TRAF3IP1: variants seen among roughly 807,000 people sequenced by gnomAD.
TRAF3IP1 encodes TRAF3-interacting protein 1.
TRAF3IP1 carries 53 observed loss-of-function variants against 89.9 expected under a neutral mutation model. The observed-to-expected ratio is 0.59, with a 90% confidence interval of 0.47 to 0.74. TRAF3IP1 has a LOEUF of 0.74. TRAF3IP1 is among the 30% of genes least tolerant of loss of function. The pLI is 0.00. For missense variants in TRAF3IP1, 806 were observed against 866.1 expected, an observed-to-expected ratio of 0.93 and a Z score of 0.87; for synonymous variants, 311 against 322.1, an observed-to-expected ratio of 0.97 and a Z score of 0.37.
At chr2:238,334,991 C>T (rs904565756) in intron 7 of TRAF3IP1, among the ~76,000 whole-genome samples, 16 of 152,174 alleles carry the variant, frequency 1.1e-4, no homozygotes, top group African/African-American at 3.4e-4. Context: ...CTTGTCATCG[C>T]GTGTGAGTGT....
At position 238,325,168 on chromosome 2, in the gene TRAF3IP1, C is replaced by G; in HGVS notation, c.124-138C>G. The G allele has an allele frequency of 3.6e-6, 3 of 841,610 alleles. No individual in the cohort carries two copies. The South Asian group carries it at 4.5e-5, about 13-fold the overall frequency. 52.1% of individuals were successfully genotyped at this position (841,610 alleles called of 1,614,324 possible). On this transcript the variant is annotated intron_variant, in intron 1 of 16. Transcript: ENST00000373327. The stretch of plus-strand genomic sequence containing the variant: ...CCTGCACAGCACGTGTAGTAGACAT[C>G]AAATATTTCTTAAGTGGATGATTCA...
intron 1 of TRAF3IP1, among the ~76,000 whole-genome samples, chr2:238,322,686 T>G (rs558140037): frequency 0.03 from 600 of 19,788 alleles, 6 homozygotes; most frequent in African/African-American, 0.068. Context: ...AGACCCTGTC[T>G]CAAAAAAAAA....
intron 15 of TRAF3IP1, among the ~76,000 whole-genome samples, chr2:238,382,982 A>G (rs1700608778): frequency 6.6e-6 from 1 of 152,058 alleles, no homozygotes; most frequent in South Asian, 2.1e-4. Flanking sequence ...TTTATCGCCC[A>G]TAGGATCAAG....
rs1699386698 is a variant in TRAF3IP1 at position 238,355,998 on chromosome 2, C to G, written c.1613-6C>G. The G allele has an allele frequency of 6.2e-6, 10 of 1,610,694 alleles. No homozygotes were observed. Among genetic ancestry groups the G allele is most frequent in the Non-Finnish European group, 8.5e-6 (10 of 1,177,480 alleles). On this transcript the variant is annotated splice_polypyrimidine_tract_variant and splice_region_variant and intron_variant, in intron 14 of 16. Coordinates refer to ENST00000373327, the MANE Select transcript of TRAF3IP1 (RefSeq NM_015650.4). ...TTTTAACATAAAATCACTGATTTTT[C>G]AACAGGTGGACTTGTGAAAAAAATT...
chr2:238,349,179 T>G lies in TRAF3IP1; in HGVS notation c.1368-146T>G, dbSNP rs12618458. 430 of 719,974 alleles carry G rather than the reference T, an allele frequency of 6.0e-4. 2 individuals are homozygous for G. The East Asian group carries it at 0.01, about 17-fold the overall frequency. The allele number at this position is 719,974 out of a possible 1,614,324, so 44.6% of individuals were successfully genotyped here. ...ATTGGTCGGGTTACTGGGACGTTCCTCCTCTTCTGCAGAGTAGCGTGTCCT... is the reference window on the plus strand; with the variant it reads ...ATTGGTCGGGTTACTGGGACGTTCCGCCTCTTCTGCAGAGTAGCGTGTCCT... On this transcript the variant is annotated intron_variant, in intron 11 of 16. Transcript: ENST00000373327.
rs190243673 is a variant in TRAF3IP1, at chr2:238,398,732, C to T, written c.1911-22C>T. ...ACAATGAGATGAGAGAGTGATGAGC[C>T]GCTGGTTTTGTTCTCCCTCAGGATC... is the stretch of plus-strand genomic sequence containing the variant. On this transcript the variant is annotated intron_variant, in intron 16 of 16. Coordinates refer to ENST00000373327, the MANE Select transcript of TRAF3IP1 (RefSeq NM_015650.4). 1.8e-4 allele frequency: 275 copies of T among 1,552,028 alleles called. No homozygotes were observed. The African/African-American group carries it at 2.9e-3, about 16-fold the overall frequency.
At chr2:238,336,218 T>G (rs1238253412) in intron 7 of TRAF3IP1, among the ~76,000 whole-genome samples, 3 of 152,206 alleles carry the variant, frequency 2.0e-5, no homozygotes, top group African/African-American at 7.2e-5. Flanking sequence ...CTGGTGAGCT[T>G]GTGCTCTAGG....
chr2:238,350,941 G>T (rs1699125233), intron 12 of TRAF3IP1, among the ~76,000 whole-genome samples: 1 of 152,166 alleles, frequency 6.6e-6, no homozygotes, highest in Admixed American at 6.5e-5. Context: ...ACCAATGTGG[G>T]ATTTATGCCA....
Position 238,325,797 on chromosome 2 carries a change from G to A in TRAF3IP1, c.193-12G>A. ...TATTGTAATATTTGTATTTTCAATG[G>A]AAATGTTTCAGGATAAAGATGCAAA... On this transcript the variant is annotated splice_polypyrimidine_tract_variant and intron_variant, in intron 2 of 16. Coordinates refer to ENST00000373327, the MANE Select transcript of TRAF3IP1 (RefSeq NM_015650.4). 1 of 1,607,690 alleles carries A rather than the reference G, an allele frequency of 6.2e-7. No homozygotes were observed. Among genetic ancestry groups the A allele is most frequent in the Non-Finnish European group, 8.5e-7 (1 of 1,176,738 alleles).
At chr2:238,382,693 C>T (rs1344408900) in intron 15 of TRAF3IP1, among the ~76,000 whole-genome samples, 1 of 152,092 alleles carries the variant, frequency 6.6e-6, no homozygotes, top group Non-Finnish European at 1.5e-5. Context: ...CCAGACAGAC[C>T]TCCTTTGCTG....
intron 15 of TRAF3IP1, among the ~76,000 whole-genome samples, chr2:238,368,123 G>A (rs1372348743): frequency 1.3e-5 from 2 of 152,106 alleles, no homozygotes; most frequent in Non-Finnish European, 2.9e-5. Flanking sequence ...GTCTGTTTCT[G>A]ACCTGAAAAG....
At chr2:238,326,062 G>A (rs1202848380) in intron 3 of TRAF3IP1, 92 bp downstream of exon 3, 3 of 1,339,148 alleles carry the variant, frequency 2.2e-6, no homozygotes, top group Non-Finnish European at 3.1e-6. Flanking sequence ...GCGGTTTAGG[G>A]AAGGAGTTTC....
rs1701119959 is a variant in TRAF3IP1, at chr2:238,394,294, A to G, written c.1690-3165A>G. 2.0e-5 allele frequency among the ~76,000 whole-genome samples: 3 copies of G among 152,164 alleles called. No individual in the cohort carries two copies. In the South Asian group the frequency reaches 6.2e-4, roughly 31 times the overall value. ...GTAGTTCCTTTGCCTTTCTGTATACATTTTAGGATAATCTTGTCTATACAA... is the reference window on the plus strand; with the variant it reads ...GTAGTTCCTTTGCCTTTCTGTATACGTTTTAGGATAATCTTGTCTATACAA... On this transcript the variant is annotated intron_variant, in intron 15 of 16. Transcript: ENST00000373327.
chr2:238,355,072 A>T (rs1337680268), intron 14 of TRAF3IP1, among the ~76,000 whole-genome samples: 1 of 152,074 alleles, frequency 6.6e-6, no homozygotes, highest in African/African-American at 2.4e-5. Context: ...CATGCTTGCC[A>T]ATTGGATATC....
chr2:238,381,674 G>A (rs1208232268), intron 15 of TRAF3IP1, among the ~76,000 whole-genome samples: 3 of 152,180 alleles, frequency 2.0e-5, no homozygotes, highest in Admixed American at 1.3e-4. Flanking sequence ...TGGGATCCTC[G>A]AAAATGGGTA....
At chr2:238,331,994 AAGAGTGCAGTTGAGAG>A (rs1297638435) in intron 5 of TRAF3IP1, among the ~76,000 whole-genome samples, 8 of 152,334 alleles carry the variant, frequency 5.3e-5, no homozygotes, top group Admixed American at 1.3e-4. Context: ...TTGGAAAATT[AAGAGTGCAGTTGAGAG>A]GCCAGGTGCT....
In TRAF3IP1 at chr2:238,340,850, G is replaced by C. The variant is rs62196666; in HGVS notation, c.1159+2393G>C. ...GTGTGTGTGTATATATATATATAGA[G>C]AGAGAGAGACAGAGAGACAGAGACA... On this transcript the variant is annotated intron_variant, in intron 8 of 16. Transcript: ENST00000373327. 1.6e-4 allele frequency among the ~76,000 whole-genome samples: 5 copies of C among 31,270 alleles called. No individual in the cohort carries two copies. The East Asian group carries it at 2.3e-3, about 14-fold the overall frequency. 20.5% of individuals were successfully genotyped at this position (31,270 alleles called of 152,430 possible).
At chr2:238,340,839 A>G (rs62196664) in intron 8 of TRAF3IP1, among the ~76,000 whole-genome samples, 56 of 92,716 alleles carry the variant, frequency 6.0e-4, no homozygotes, top group African/African-American at 1.8e-3. Context: ...GTGTGTATAT[A>G]TATATATAGA....
At chr2:238,374,749 C>T (rs184524836) in intron 15 of TRAF3IP1, among the ~76,000 whole-genome samples, 4 of 152,286 alleles carry the variant, frequency 2.6e-5, no homozygotes, top group East Asian at 1.9e-4. Flanking sequence ...GCTCTGAATC[C>T]GTCTGGTCCT....
Sources: allele counts gnomAD v4.1 joint callset (sites outside exome capture counted in the v4.1 genomes callset), GRCh38; gene constraint gnomAD v4.1.1; transcripts MANE v1.5; gene names NCBI Gene and HGNC (gene_info 2026-07-23, HGNC 2026-07-21).